PMFBP1: variants seen among roughly 807,000 people sequenced by gnomAD.
The protein encoded by PMFBP1 is polyamine-modulated factor 1-binding protein 1.
PMFBP1 carries 131 observed loss-of-function variants against 137.8 expected under a neutral mutation model. The observed-to-expected ratio is 0.95, with a 90% CI of 0.82 to 1.10. PMFBP1 has a LOEUF of 1.10. PMFBP1 is among the 50% of genes least tolerant of loss of function. The pLI, the probability that PMFBP1 is intolerant of heterozygous loss-of-function variation, is 0.00. For synonymous variants in PMFBP1, 490 were observed against 450.4 expected (o/e 1.09, Z -1.11); for missense variants, 1,199 against 1,175.4 (o/e 1.02, Z -0.29).
chr16:72,234,171 A>T, the PMFBP1 span, among the ~76,000 whole-genome samples: 1 of 152,152 alleles, frequency 6.6e-6, no homozygotes, highest in African/African-American at 2.4e-5. Flanking sequence ...TTCCAAAGTG[A>T]CTGCACCATT....
intron 4 of PMFBP1, 140 bp downstream of exon 4, chr16:72,154,071 T>C: frequency 1.7e-6 from 2 of 1,153,336 alleles, no homozygotes; most frequent in Non-Finnish European, 2.4e-6. Context: ...AGATCAAGAA[T>C]TAAAGGGGGA....
At chr16:72,186,621 C>T in the PMFBP1 span, among the ~76,000 whole-genome samples, 1 of 151,792 alleles carries the variant, frequency 6.6e-6, no homozygotes, top group Non-Finnish European at 1.5e-5. Context: ...TGTGGGAGAC[C>T]GAATAGACAG....
chr16:72,161,128 C>T (rs1440008546), intron 3 of PMFBP1, among the ~76,000 whole-genome samples: 3 of 136,392 alleles, frequency 2.2e-5, no homozygotes, highest in African/African-American at 8.1e-5. Context: ...GATGGAATCT[C>T]ACTCTGTTGC....
chr16:72,146,325 CG>C (rs1157519040), intron 5 of PMFBP1, among the ~76,000 whole-genome samples: 1 of 152,134 alleles, frequency 6.6e-6, no homozygotes, highest in Non-Finnish European at 1.5e-5. Flanking sequence ...AATTCAACAG[CG>C]CTTCATGCTA....
the PMFBP1 span, among the ~76,000 whole-genome samples, chr16:72,202,246 C>T: frequency 1.3e-5 from 2 of 152,218 alleles, no homozygotes; most frequent in Non-Finnish European, 1.5e-5. Context: ...GGTTGATTCA[C>T]TTCTCAGTCA....
At chr16:72,222,308 C>T in the PMFBP1 span, among the ~76,000 whole-genome samples, 1 of 152,206 alleles carries the variant, frequency 6.6e-6, no homozygotes, top group African/African-American at 2.4e-5. Flanking sequence ...CAGTGCAGCC[C>T]TCAGCTTCTT....
intron 3 of PMFBP1, among the ~76,000 whole-genome samples, chr16:72,154,874 G>A (rs1250370122): frequency 2.6e-5 from 4 of 152,244 alleles, no homozygotes; most frequent in East Asian, 3.9e-4. Context: ...CCTGGGTAAA[G>A]GAGCATTGCA....
the PMFBP1 span, among the ~76,000 whole-genome samples, chr16:72,249,782 G>A: frequency 3.3e-5 from 5 of 151,170 alleles, no homozygotes; most frequent in African/African-American, 9.7e-5. Flanking sequence ...ATACCTGGGC[G>A]TGGTGGCGGG....
chr16:72,165,572 C>A (rs1013003342), intron 2 of PMFBP1, among the ~76,000 whole-genome samples: 2 of 152,104 alleles, frequency 1.3e-5, no homozygotes, highest in African/African-American at 4.8e-5. Context: ...GCACCCGCCA[C>A]CATGCCCGGC....
At chr16:72,191,134 G>A in the PMFBP1 span, among the ~76,000 whole-genome samples, 3 of 152,088 alleles carry the variant, frequency 2.0e-5, no homozygotes, top group Non-Finnish European at 4.4e-5. Flanking sequence ...GGCCATTATA[G>A]GATTTCTCAT....
chr16:72,132,763 G>T lies in PMFBP1; in HGVS notation c.1432C>A (p.Gln478Lys), dbSNP rs767306192. The change falls in exon 10 of 21, where the codon CAG becomes AAG. Residue 478 changes from glutamine (Q) to lysine (K), a missense_variant. Gln to Lys is a moderately conservative substitution (Grantham distance 53). Transcript: ENST00000237353. Reference protein sequence around the residue: ...LKNSLEEAKQQERLAAQQAAQ... With the variant: ...LKNSLEEAKQKERLAAQQAAQ... ...GGGGCCTCACCAGCCAGCCTCTCCT[G>T]CTGCTTGGCCTCTTCGAGACTGTTC... The T allele has an allele frequency of 6.2e-7, 1 of 1,614,204 alleles. No homozygotes were observed. Among genetic ancestry groups the T allele is most frequent in the South Asian group, 1.1e-5 (1 of 91,076 alleles).
At chr16:72,134,007 C>G (rs1415513767) in intron 9 of PMFBP1, among the ~76,000 whole-genome samples, 1 of 152,152 alleles carries the variant, frequency 6.6e-6, no homozygotes, top group Non-Finnish European at 1.5e-5. Flanking sequence ...ATCCCAACTA[C>G]TTGGGAGGCT....
the PMFBP1 span, among the ~76,000 whole-genome samples, chr16:72,192,654 G>A: frequency 6.6e-6 from 1 of 152,040 alleles, no homozygotes; most frequent in East Asian, 1.9e-4. Context: ...TTGGGAGGCC[G>A]AGGCAGGCAG....
At chr16:72,196,133 T>A in the PMFBP1 span, among the ~76,000 whole-genome samples, 1 of 152,126 alleles carries the variant, frequency 6.6e-6, no homozygotes, top group Admixed American at 6.5e-5. Flanking sequence ...CAGGTGCCCC[T>A]GAGTCCACCT....
In PMFBP1 at chr16:72,136,454, T is replaced by C. The variant is rs1156309674; in HGVS notation, c.1197A>G (p.Lys399=). 6.2e-7 allele frequency: 1 copy of C among 1,612,964 alleles called. No homozygotes were observed. The highest frequency in any genetic ancestry group is 1.3e-5 in the African/African-American group (1 of 74,694). The change falls in exon 9 of 21, where the codon AAA becomes AAG. Residue 399 remains lysine (K), a synonymous_variant. Coordinates refer to ENST00000237353, the MANE Select transcript of PMFBP1 (RefSeq NM_031293.3). ...FTETQKLTLK[K]DKFLQEKDEM... ...CCAGAGTTCCTCACTTTACCTTGTC[T>C]TTCTTCAAAGTGAGCTTTTGGGTCT...
At chr16:72,140,235 G>A (rs1016695024) in intron 6 of PMFBP1, among the ~76,000 whole-genome samples, 177 bp downstream of exon 6, 4 of 152,156 alleles carry the variant, frequency 2.6e-5, no homozygotes, top group African/African-American at 7.2e-5. Context: ...CACACTATTT[G>A]GGTGGGAAGA....
chr16:72,189,649 G>A, the PMFBP1 span, among the ~76,000 whole-genome samples: 6 of 152,222 alleles, frequency 3.9e-5, no homozygotes, highest in Non-Finnish European at 5.9e-5. Context: ...TTCTTTTGGA[G>A]ATTAGGAGCC....
intron 19 of PMFBP1, among the ~76,000 whole-genome samples, chr16:72,121,095 T>G (rs2042370732): frequency 6.6e-6 from 1 of 152,128 alleles, no homozygotes; most frequent in Non-Finnish European, 1.5e-5. Context: ...AAGACTGAAG[T>G]TATCTGTTAC....
intron 2 of PMFBP1, among the ~76,000 whole-genome samples, chr16:72,170,836 G>C (rs767888750): frequency 2.1e-4 from 32 of 152,290 alleles, no homozygotes; most frequent in Admixed American, 4.6e-4. Context: ...TATCGATTAA[G>C]TGCTTTCTAC....
Sources: allele counts gnomAD v4.1 joint callset (sites outside exome capture counted in the v4.1 genomes callset), GRCh38; gene constraint gnomAD v4.1.1; transcripts MANE v1.5; gene names NCBI Gene and HGNC (gene_info 2026-07-23, HGNC 2026-07-21).